Variants in ARHGAP29 observed in about 807,000 individuals in gnomAD.
ARHGAP29 encodes the protein Rho GTPase activating protein 29.
A neutral mutation model predicts 122.6 loss-of-function variants in ARHGAP29; 43 were observed. The ratio of observed to expected loss-of-function variants is 0.35; its 90% CI spans 0.27 to 0.45. The LOEUF is 0.45. Ranked by LOEUF, ARHGAP29 falls within the 20% of genes least tolerant of loss-of-function variation. ARHGAP29 has a pLI of 1.00. For synonymous variants in ARHGAP29, 506 were observed against 497.1 expected (o/e 1.02, Z -0.24); for missense variants, 1,303 against 1,477.2 (o/e 0.88, Z 1.93).
At chr1:94,218,099 C>T (rs1652066028) in intron 3 of ARHGAP29, among the ~76,000 whole-genome samples, 1 of 152,080 alleles carries the variant, frequency 6.6e-6, no homozygotes, top group African/African-American at 2.4e-5. Context: ...TTGATTTGAC[C>T]TCAATTTTTC....
intron 3 of ARHGAP29, among the ~76,000 whole-genome samples, chr1:94,211,992 AAAG>A (rs1651649446): frequency 6.6e-6 from 1 of 151,972 alleles, no homozygotes; most frequent in Non-Finnish European, 1.5e-5. Context: ...CCCAGGTGTC[AAAG>A]AAGAAAAAAG....
chr1:94,272,774 A>G (rs115925814), intron 1 of ARHGAP29, among the ~76,000 whole-genome samples: 2,350 of 152,152 alleles, frequency 0.015, 67 homozygotes, highest in African/African-American at 0.054. Context: ...CTTCCCACCT[A>G]TACCTGCTCC....
intron 1 of ARHGAP29, among the ~76,000 whole-genome samples, chr1:94,255,247 G>C (rs946835891): frequency 2.0e-5 from 3 of 152,196 alleles, no homozygotes; most frequent in African/African-American, 7.2e-5. Context: ...AACACACACA[G>C]AGGGAAGACC....
the ARHGAP29 span, among the ~76,000 whole-genome samples, chr1:94,298,360 A>G: frequency 6.6e-6 from 1 of 152,210 alleles, no homozygotes; most frequent in Non-Finnish European, 1.5e-5. Flanking sequence ...CGGTCTTTCT[A>G]TAGAGATTGA....
rs772807695 is a variant in ARHGAP29 at position 94,169,861 on chromosome 1, C to T, written c.*4008G>A. On this transcript the variant is annotated 3_prime_UTR_variant, in exon 23 of 23. Transcript: ENST00000260526. ...GAACACAGAAGCCAGCTTGAAGAGA[C>T]TCCCAAAAACCAAATCGGGGAAAAT... Among the ~76,000 whole-genome samples, 5 of 152,170 alleles carry T rather than the reference C, an allele frequency of 3.3e-5. No homozygotes were observed. Among genetic ancestry groups the T allele is most frequent in the Admixed American group, 6.5e-5 (1 of 15,274 alleles).
chr1:94,197,087 A>G (rs1367212725), intron 12 of ARHGAP29, among the ~76,000 whole-genome samples: 1 of 152,150 alleles, frequency 6.6e-6, no homozygotes, highest in Non-Finnish European at 1.5e-5. Context: ...TTCTTTTTTA[A>G]AAAGATAATA....
At position 94,230,687 on chromosome 1, in the gene ARHGAP29, T is replaced by C. The variant is rs191124151; in HGVS notation, c.205+720A>G. The stretch of plus-strand genomic sequence containing the variant: ...TTCATTTTTATATCTAGACATACCA[T>C]TATGAATATGGAAATGAAACTGCCA... On this transcript the variant is annotated intron_variant, in intron 2 of 22. Transcript: ENST00000260526. Among the ~76,000 whole-genome samples the C allele has an allele frequency of 1.5e-3, 235 of 151,946 alleles. 6 individuals are homozygous for C. The highest frequency in any genetic ancestry group is 0.014 in the Admixed American group (216 of 15,266).
Position 94,219,116 on chromosome 1 carries a change from C to A in ARHGAP29, c.340+1142G>T, listed in dbSNP as rs143880145. Among the ~76,000 whole-genome samples, 181 of 152,266 alleles carry A rather than the reference C, an allele frequency of 1.2e-3. 2 individuals carry two copies. Among genetic ancestry groups the A allele is most frequent in the African/African-American group, 4.2e-3 (174 of 41,550 alleles). On this transcript the variant is annotated intron_variant, in intron 3 of 22. Coordinates refer to ENST00000260526, the MANE Select transcript of ARHGAP29 (RefSeq NM_004815.4). ...ATGGTGCCTAGGCGTACTTCTATCA[C>A]AGAATTGATCACAGGATTGCTGTTA...
chr1:94,198,724 A>G (rs547951821), intron 12 of ARHGAP29, among the ~76,000 whole-genome samples: 4 of 152,296 alleles, frequency 2.6e-5, no homozygotes, highest in African/African-American at 9.6e-5. Flanking sequence ...ATGTGTTGGC[A>G]ACTTTATATT....
At chr1:94,279,893 C>A (rs1407125803), upstream of ARHGAP29, among the ~76,000 whole-genome samples, 1 of 152,066 alleles carries the variant, frequency 6.6e-6, no homozygotes, top group Non-Finnish European at 1.5e-5. Flanking sequence ...TAATCTGGTT[C>A]CAACTTTTTT....
upstream of ARHGAP29, chr1:94,237,815 G>T: frequency 1.0e-6 from 1 of 973,898 alleles, no homozygotes; most frequent in Non-Finnish European, 1.2e-6. Flanking sequence ...GCAGGGGACA[G>T]GCAGAGCGAC....
At position 94,177,748 on chromosome 1, in the gene ARHGAP29, GGAA is replaced by G. The variant is rs757222244; in HGVS notation, c.2797-31_2797-29del. On this transcript the variant is annotated intron_variant, in intron 21 of 22. Transcript: ENST00000260526. ...GTTGATGCAAGATAATTTTTAAAATGGAAGAAGTAAAACATAACCTCAAAATAA... is the reference window on the plus strand; with the variant it reads ...GTTGATGCAAGATAATTTTTAAAATGGAAGTAAAACATAACCTCAAAATAA... 1.1e-5 allele frequency: 18 copies of G among 1,589,738 alleles called. No homozygotes were observed. The African/African-American group carries it at 2.2e-4, about 19-fold the overall frequency.
chr1:94,199,620 T>C (rs1557854928), intron 12 of ARHGAP29, among the ~76,000 whole-genome samples: 2 of 152,252 alleles, frequency 1.3e-5, no homozygotes, highest in East Asian at 3.9e-4. Context: ...ATTTTCTCTG[T>C]CCTAAATCAC....
the ARHGAP29 span, among the ~76,000 whole-genome samples, chr1:94,291,388 G>T: frequency 1.1e-4 from 17 of 152,220 alleles, no homozygotes; most frequent in African/African-American, 3.9e-4. Context: ...ACACTGATGG[G>T]TCTTTACTCT....
chr1:94,258,275 G>A (rs1208842482), intron 1 of ARHGAP29, among the ~76,000 whole-genome samples: 1 of 152,186 alleles, frequency 6.6e-6, no homozygotes, highest in Non-Finnish European at 1.5e-5. Context: ...CAGTAAATGT[G>A]CCCTCTAGTC....
At chr1:94,269,281 C>T (rs79933314) in intron 1 of ARHGAP29, among the ~76,000 whole-genome samples, 33 of 152,216 alleles carry the variant, frequency 2.2e-4, no homozygotes, top group South Asian at 8.3e-4. Flanking sequence ...TGCTTATAGA[C>T]GACGAAAGGA....
At chr1:94,224,189 A>C (rs1184333903) in intron 2 of ARHGAP29, among the ~76,000 whole-genome samples, 1 of 152,182 alleles carries the variant, frequency 6.6e-6, no homozygotes, top group Admixed American at 6.5e-5. Flanking sequence ...TAACTAAATA[A>C]AGTTGGTATA....
chr1:94,228,005 T>A (rs1053956507), intron 2 of ARHGAP29, among the ~76,000 whole-genome samples: 2 of 151,740 alleles, frequency 1.3e-5, no homozygotes, highest in African/African-American at 4.8e-5. Context: ...GGTAACCTCC[T>A]CCTGGAGGTT....
the ARHGAP29 span, among the ~76,000 whole-genome samples, chr1:94,283,782 T>C: frequency 6.6e-6 from 1 of 152,168 alleles, no homozygotes; most frequent in Non-Finnish European, 1.5e-5. Flanking sequence ...CATTTAAAAA[T>C]AAATATTGCT....
Sources: allele counts gnomAD v4.1 joint callset (sites outside exome capture counted in the v4.1 genomes callset), GRCh38; gene constraint gnomAD v4.1.1; transcripts MANE v1.5; gene names NCBI Gene and HGNC (gene_info 2026-07-23, HGNC 2026-07-21).